The following HSD17B10 variants were observed in gnomAD, a reference collection of about 807,000 sequenced individuals.
HSD17B10 encodes hydroxysteroid 17-beta dehydrogenase 10.
For synonymous variants in HSD17B10, 90 were observed against 85.9 expected (o/e 1.05, Z -0.26); for missense variants, 87 against 219.4 (o/e 0.40, Z 3.81).
intron 2 of HSD17B10, 149 bp from the exon 3 acceptor site, chrX:53,432,560 G>A (rs1569365888): frequency 1.7e-5 from 9 of 542,109 alleles, no homozygotes; most frequent in Non-Finnish European, 2.5e-5. Context: ...TGTAAAACTT[G>A]AGAGATAGGC....
intron 1 of HSD17B10, 149 bp downstream of exon 1, chrX:53,434,170 A>T: frequency 1.6e-6 from 1 of 643,295 alleles, no homozygotes; most frequent in Non-Finnish European, 2.5e-6. Flanking sequence ...CGGAGTGCTG[A>T]CTTTCACCTC....
rs2075826730 is a variant in HSD17B10, at chrX:53,432,005, C to T, written c.469G>A (p.Ala157Thr). The T allele has an allele frequency of 8.3e-7, 1 of 1,209,670 alleles. No homozygotes were observed. The highest frequency in any genetic ancestry group is 1.1e-6 in the Non-Finnish European group (1 of 895,135). Residue 157 changes from alanine to threonine, a missense_variant, in exon 4 of 6, where the codon GCT becomes ACT. Physicochemically the swap from Ala to Thr is moderately conservative, Grantham distance 58. Coordinates refer to ENST00000168216, the MANE Select transcript of HSD17B10 (RefSeq NM_004493.3). ...CCACACACCTGACCCTCGAAGGCAG[C>T]CACACTGGCAGTGTTGATGATGACC... ...RGVIINTASV[A>T]AFEGQVGQAA...
At position 53,434,082 on chromosome X, in the gene HSD17B10, G is replaced by C. The variant is rs1485689592; in HGVS notation, c.28-196C>G. On this transcript the variant is annotated intron_variant, in intron 1 of 5. Coordinates refer to ENST00000168216, the MANE Select transcript of HSD17B10 (RefSeq NM_004493.3). The stretch of plus-strand genomic sequence containing the variant: ...GCAGAAGGGATCTCATCCCCAGACA[G>C]CCCGTCCCGTGACGATAGATAGATA... 1.1e-5 allele frequency: 6 copies of C among 561,672 alleles called. No individual in the cohort carries two copies. The African/African-American group carries it at 1.4e-4, about 13-fold the overall frequency. 46.3% of individuals were successfully genotyped at this position (561,672 alleles called of 1,213,427 possible).
At chrX:53,433,658 G>T in intron 2 of HSD17B10, 64 bp downstream of exon 2, 1 of 1,078,907 alleles carries the variant, frequency 9.3e-7, no homozygotes, top group Non-Finnish European at 1.3e-6. Context: ...GACCCCCACA[G>T]GTTCCCAGGC....
At chrX:53,433,673 G>A (rs1556894876) in intron 2 of HSD17B10, 49 bp downstream of exon 2, 1 of 1,143,895 alleles carries the variant, frequency 8.7e-7, no homozygotes, top group African/African-American at 1.8e-5. Context: ...CCAGGCCGGT[G>A]TTGGTGACCT....
chrX:53,433,935 T>G (rs782057800), intron 1 of HSD17B10, 49 bp from the exon 2 acceptor site: 2 of 1,157,884 alleles, frequency 1.7e-6, no homozygotes, highest in African/African-American at 3.6e-5. Flanking sequence ...GCCCAGACCA[T>G]CCCCACGCTG....
chrX:53,431,339 G>C lies in HSD17B10; in HGVS notation c.*65C>G, dbSNP rs1225154593. ...AAATGGCTACTGGGCTTCCTCCCAA[G>C]CTGGAGAGTAGTACCCCAGGGAAAG... On this transcript the variant is annotated 3_prime_UTR_variant, in exon 6 of 6. Coordinates refer to ENST00000168216, the MANE Select transcript of HSD17B10 (RefSeq NM_004493.3). 1.2e-5 allele frequency: 13 copies of C among 1,057,301 alleles called. No homozygotes were observed. Among genetic ancestry groups the C allele is most frequent in the Non-Finnish European group, 1.6e-5 (12 of 761,264 alleles). 87.1% of individuals were successfully genotyped at this position (1,057,301 alleles called of 1,213,427 possible).
chrX:53,433,833 C>G lies in HSD17B10; in HGVS notation c.81G>C (p.Ala27=), dbSNP rs1320481260. 8.3e-7 allele frequency: 1 copy of G among 1,210,362 alleles called. No homozygotes were observed. The highest frequency in any genetic ancestry group is 1.1e-6 in the Non-Finnish European group (1 of 894,822). ...AGGCTCCCTGCCCCACAAGTCGCTC[C>G]GCCGTGGCCAGGCCCAGGCCCGAGG... ...GGASGLGLAT[A]ERLVGQGASA... Residue 27 remains alanine, a synonymous_variant, in exon 2 of 6, where the codon GCG becomes GCC. Coordinates refer to ENST00000168216, the MANE Select transcript of HSD17B10 (RefSeq NM_004493.3).
intron 1 of HSD17B10, 90 bp downstream of exon 1, chrX:53,434,229 C>T: frequency 9.5e-7 from 1 of 1,052,761 alleles, no homozygotes; most frequent in Non-Finnish European, 1.3e-6. Context: ...TGACCCTTTC[C>T]CTCGAAACCG....
At position 53,432,331 on chromosome X, in the gene HSD17B10, A is replaced by G. The variant is rs782330394; in HGVS notation, c.273T>C (p.Cys91=). ...TCTTGCTAGCCACCGCGATGCCTGC[A>G]CAGTTGACAGCTACATCCACACGGC... is the stretch of plus-strand genomic sequence containing the variant. ...KFGRVDVAVN[C]AGIAVASKTY... Residue 91 remains cysteine (C), a synonymous_variant, in exon 3 of 6, where the codon TGT becomes TGC. Coordinates refer to ENST00000168216, the MANE Select transcript of HSD17B10 (RefSeq NM_004493.3). 16 of 1,208,477 alleles carry G rather than the reference A, an allele frequency of 1.3e-5. No homozygotes were observed. In the East Asian group the frequency reaches 4.7e-4, roughly 36 times the overall value.
Position 53,433,773 on chromosome X carries a change from C to T in HSD17B10, c.141G>A (p.Gly47=), listed in dbSNP as rs782719811. 4.1e-6 allele frequency: 5 copies of T among 1,209,871 alleles called. No individual in the cohort carries two copies. The South Asian group carries it at 8.8e-5, about 21-fold the overall frequency. The change falls in exon 2 of 6, where the codon GGG becomes GGA. Residue 47 remains glycine (G), a synonymous_variant. Transcript: ENST00000168216. ...AVLLDLPNSG[G]EAQAKKLGNN... Reference sequence around the variant, plus strand: ...TTCCTAACTTCTTGGCTTGGGCCTCCCCACCCGAGTTGGGCAGGTCCAGAA... The same window carrying T: ...TTCCTAACTTCTTGGCTTGGGCCTCTCCACCCGAGTTGGGCAGGTCCAGAA...
chrX:53,432,065 C>T lies in HSD17B10; in HGVS notation c.409G>A (p.Gly137Ser), dbSNP rs2146628049. 8.3e-7 allele frequency: 1 copy of T among 1,211,496 alleles called. No homozygotes were observed. Among genetic ancestry groups the T allele is most frequent in the Non-Finnish European group, 1.1e-6 (1 of 895,302 alleles). ...CCTCCCTGGTCTGGTTCATTCTGGC[C>T]CATCTCACCAGCCACCAGGCGGATC... ...NVIRLVAGEM[G>S]QNEPDQGGQR... The change falls in exon 4 of 6, where the codon GGC becomes AGC. Residue 137 changes from glycine to serine, a missense_variant. Coordinates refer to ENST00000168216, the MANE Select transcript of HSD17B10 (RefSeq NM_004493.3).
At chrX:53,433,684 C>T (rs2075833903) in intron 2 of HSD17B10, 38 bp downstream of exon 2, 1 of 1,177,379 alleles carries the variant, frequency 8.5e-7, no homozygotes, top group Non-Finnish European at 1.1e-6. Flanking sequence ...TTGGTGACCT[C>T]ATGCACACCC....
Position 53,434,364 on chromosome X carries a change from A to T in HSD17B10, c.-19T>A, listed in dbSNP as rs2075837182. On this transcript the variant is annotated 5_prime_UTR_variant, in exon 1 of 6. Transcript: ENST00000168216. The stretch of plus-strand genomic sequence containing the variant: ...CTGCCATCTTGTCGCCGGCCACTCC[A>T]CGGGATGGGGATGGGGGCGCGGGCG... 8.6e-7 allele frequency: 1 copy of T among 1,165,840 alleles called. No individual in the cohort carries two copies. Among genetic ancestry groups the T allele is most frequent in the South Asian group, 1.9e-5 (1 of 52,620 alleles).
rs1455006623 is a variant in HSD17B10 at position 53,434,336 on chromosome X, C to G, written c.10G>C (p.Ala4Pro). Residue 4 changes from alanine (A) to proline (P), a missense_variant, in exon 1 of 6, where the codon GCG (alanine) becomes CCG (proline). By Grantham distance (27) the Ala-to-Pro change is conservative. Coordinates refer to ENST00000168216, the MANE Select transcript of HSD17B10 (RefSeq NM_004493.3). MAA[A>P]CRSVKGLVAV... ...CCTTCTACCTTCACGCTCCGACACG[C>G]TGCTGCCATCTTGTCGCCGGCCACT... The G allele has an allele frequency of 1.7e-6, 2 of 1,167,170 alleles. No individual in the cohort carries two copies. The highest frequency in any genetic ancestry group is 2.6e-5 in the Admixed American group (1 of 38,691).
Position 53,432,119 on chromosome X carries a change from G to T in HSD17B10, c.358-3C>A. 8.3e-7 allele frequency: 1 copy of T among 1,211,588 alleles called. No individual in the cohort carries two copies. The highest frequency in any genetic ancestry group is 3.0e-5 in the East Asian group (1 of 33,846). ...TTGAAGGTGCCCATGAGATTCACCT[G>T]TAGGACAGATGGAGACATGCTATAG... On this transcript the variant is annotated splice_region_variant and splice_polypyrimidine_tract_variant and intron_variant, in intron 3 of 5. Transcript: ENST00000168216.
chrX:53,433,170 C>CT (rs1313173371), intron 2 of HSD17B10: 1 of 116,605 alleles, frequency 8.6e-6, no homozygotes, highest in African/African-American at 3.3e-5. Context: ...TGGCAGGTGC[C>CT]TGTAATCCCA....
Position 53,432,371 on chromosome X carries a change from G to C in HSD17B10, c.233C>G (p.Ala78Gly), listed in dbSNP as rs781966115. The C allele has an allele frequency of 7.4e-6, 9 of 1,208,093 alleles. No individual in the cohort carries two copies. In the Admixed American group the frequency reaches 2.0e-4, roughly 26 times the overall value. The change falls in exon 3 of 6, where the codon GCA becomes GGA. Residue 78 changes from alanine to glycine, a missense_variant. Transcript: ENST00000168216. Reference sequence around the variant, plus strand: ...ATCCACACGGCCAAACTTTCCTTTTGCTAGAGCCAGAGCTGTTTGCACATC... The same window carrying C: ...ATCCACACGGCCAAACTTTCCTTTTCCTAGAGCCAGAGCTGTTTGCACATC... ...EKDVQTALAL[A>G]KGKFGRVDVA...
chrX:53,431,773 T>C (rs2075825917), intron 5 of HSD17B10, 25 bp downstream of exon 5: 3 of 1,150,778 alleles, frequency 2.6e-6, no homozygotes, highest in Non-Finnish European at 3.6e-6. Context: ...ATCCCAGGTA[T>C]GATGGAGAGA....
Sources: allele counts gnomAD v4.1 joint callset, GRCh38; gene constraint gnomAD v4.1.1; transcripts MANE v1.5; gene names NCBI Gene and HGNC (gene_info 2026-07-23, HGNC 2026-07-21).